MTRF1: variants seen among roughly 807,000 people sequenced by gnomAD.
MTRF1 encodes the protein mitochondrial translation release factor 1, also known as peptide chain release factor 1, mitochondrial.
Under a neutral mutation model 62.9 loss-of-function variants are expected in MTRF1, and 51 were observed. The ratio of observed to expected loss-of-function variants is 0.81; its 90% CI spans 0.65 to 1.02. The LOEUF (loss-of-function observed/expected upper bound fraction) is 1.02, where lower values mean the gene tolerates loss of function less well. Ranked by LOEUF, MTRF1 falls within the 50% of genes least tolerant of loss-of-function variation. The probability of loss-of-function intolerance (pLI) is 0.00; values close to 1 mark genes in which losing one functional copy is unlikely to be tolerated. For missense variants in MTRF1, 446 were observed against 530.0 expected, an observed-to-expected ratio of 0.84 and a Z score of 1.56; for synonymous variants, 158 against 181.9, an observed-to-expected ratio of 0.87 and a Z score of 1.06.
At position 41,216,415 on chromosome 13, in the gene MTRF1, C is replaced by A. The variant is rs889392416; in HGVS notation, c.*700G>T. 6.6e-6 allele frequency: 1 copy of A among 150,630 alleles called. No homozygotes were observed. 9.3% of individuals were successfully genotyped at this position (150,630 alleles called of 1,614,324 possible). A position where few individuals can be genotyped will look rare whatever the true frequency, so the allele number is the denominator to read the frequency against. ...TTGTTTATATAGTGTGGAATTCATACAGCAATCAAAGGGCTTTACTGTCTG... is the reference window on the plus strand; with the variant it reads ...TTGTTTATATAGTGTGGAATTCATAAAGCAATCAAAGGGCTTTACTGTCTG... On this transcript the variant is annotated 3_prime_UTR_variant, in exon 10 of 10. Coordinates refer to ENST00000379480, the MANE Select transcript of MTRF1 (RefSeq NM_004294.4).
At chr13:41,249,665 C>T (rs1439058823) in intron 5 of MTRF1, among the ~76,000 whole-genome samples, 1 of 91,164 alleles carries the variant, frequency 1.1e-5, no homozygotes, top group Non-Finnish European at 1.9e-5. Flanking sequence ...GTCATTCTGT[C>T]GCCCAGGCTG....
the MTRF1 span, among the ~76,000 whole-genome samples, chr13:41,301,328 C>T: frequency 3.9e-5 from 6 of 152,120 alleles, no homozygotes; most frequent in African/African-American, 1.2e-4. Flanking sequence ...TTTATTTTCA[C>T]GTGGCTAGCC....
chr13:41,240,533 C>T, intron 5 of MTRF1, 100 bp from the exon 6 acceptor site: 1 of 1,086,270 alleles, frequency 9.2e-7, no homozygotes, highest in Non-Finnish European at 1.2e-6. Flanking sequence ...GAGTACAGAG[C>T]CTAAGATGAG....
intron 5 of MTRF1, among the ~76,000 whole-genome samples, chr13:41,247,666 T>C (rs1490802316): frequency 6.6e-6 from 1 of 152,186 alleles, no homozygotes; most frequent in African/African-American, 2.4e-5. Flanking sequence ...TGCTTTCAGT[T>C]TGCTATTTTT....
chr13:41,261,698 C>T (rs1336965290), intron 1 of MTRF1: 3 of 568,178 alleles, frequency 5.3e-6, no homozygotes, highest in South Asian at 1.5e-4. Flanking sequence ...AACTTAATCA[C>T]GACTATTCAG....
chr13:41,300,040 A>T, the MTRF1 span, among the ~76,000 whole-genome samples: 1 of 152,244 alleles, frequency 6.6e-6, no homozygotes, highest in African/African-American at 2.4e-5. Flanking sequence ...TGTTGACTCC[A>T]GCAAGGTTGG....
chr13:41,258,871 T>C (rs2040060854), intron 2 of MTRF1, among the ~76,000 whole-genome samples: 1 of 152,172 alleles, frequency 6.6e-6, no homozygotes, highest in African/African-American at 2.4e-5. Context: ...GCAAATCATA[T>C]ATCTGATCAT....
the MTRF1 span, among the ~76,000 whole-genome samples, chr13:41,309,350 G>A: frequency 1.5e-4 from 23 of 149,058 alleles, no homozygotes; most frequent in South Asian, 5.0e-3. Context: ...TAGTGTGTGT[G>A]TGTGTGTGTG....
At chr13:41,257,095 G>GCA (rs2039829783) in intron 2 of MTRF1, among the ~76,000 whole-genome samples, 1 of 152,190 alleles carries the variant, frequency 6.6e-6, no homozygotes, top group East Asian at 1.9e-4. Flanking sequence ...TTAACAACGT[G>GCA]GGCAAAGATA....
the MTRF1 span, among the ~76,000 whole-genome samples, chr13:41,289,570 C>T: frequency 2.6e-5 from 4 of 152,178 alleles, no homozygotes; most frequent in Non-Finnish European, 5.9e-5. Context: ...TGGTGACAGT[C>T]AGCTCAGTGG....
chr13:41,289,679 C>G, the MTRF1 span, among the ~76,000 whole-genome samples: 1 of 152,174 alleles, frequency 6.6e-6, no homozygotes, highest in Non-Finnish European at 1.5e-5. Flanking sequence ...ATCTGATCCA[C>G]GACAGCTTTC....
chr13:41,264,795 A>G (rs1388392758), upstream of MTRF1, among the ~76,000 whole-genome samples: 1 of 152,234 alleles, frequency 6.6e-6, no homozygotes, highest in Non-Finnish European at 1.5e-5. Flanking sequence ...GCCAAGACTC[A>G]ATTAAGGCAA....
intron 9 of MTRF1, among the ~76,000 whole-genome samples, chr13:41,219,041 A>G (rs1461670322): frequency 2.0e-5 from 3 of 148,904 alleles, no homozygotes; most frequent in African/African-American, 7.4e-5. Context: ...CTGTAATCCC[A>G]GCATTTCGCA....
intron 5 of MTRF1, among the ~76,000 whole-genome samples, chr13:41,248,912 C>T (rs548620670): frequency 5.8e-4 from 88 of 152,290 alleles, no homozygotes; most frequent in African/African-American, 1.8e-3. Context: ...TTACCCTCCA[C>T]TGCTTCCATA....
In MTRF1 at chr13:41,233,676, C is replaced by T. The variant is rs76687145; in HGVS notation, c.988+214G>A. On this transcript the variant is annotated intron_variant, in intron 7 of 9. Coordinates refer to ENST00000379480, the MANE Select transcript of MTRF1 (RefSeq NM_004294.4). Reference sequence around the variant, plus strand: ...CATCCAGCATACCTGGGAAGCTTCCCTGAATAGGTCTGCTCACCGTCTGCA... The same window carrying T: ...CATCCAGCATACCTGGGAAGCTTCCTTGAATAGGTCTGCTCACCGTCTGCA... Among the ~76,000 whole-genome samples, 1,423 of 152,230 alleles carry T rather than the reference C, an allele frequency of 9.3e-3. 22 individuals are homozygous for T. The highest frequency in any genetic ancestry group is 0.032 in the African/African-American group (1,343 of 41,538).
the MTRF1 span, among the ~76,000 whole-genome samples, chr13:41,296,241 G>A: frequency 6.6e-6 from 1 of 152,090 alleles, no homozygotes; most frequent in South Asian, 2.1e-4. Context: ...CCACCATGCT[G>A]TAAAAACTTT....
Position 41,219,308 on chromosome 13 carries a change from T to C in MTRF1, c.1225-2080A>G, listed in dbSNP as rs372280024. Among the ~76,000 whole-genome samples, 476 of 148,178 alleles carry C rather than the reference T, an allele frequency of 3.2e-3. 3 individuals carry two copies. The highest frequency in any genetic ancestry group is 0.01 in the African/African-American group (424 of 40,406). On this transcript the variant is annotated intron_variant, in intron 9 of 9. Coordinates refer to ENST00000379480, the MANE Select transcript of MTRF1 (RefSeq NM_004294.4). ...TCTGTCTCAAAAAAAAAAAAAAAAATGTACCTGGTACTCAAATTATTATAG... is the reference window on the plus strand; with the variant it reads ...TCTGTCTCAAAAAAAAAAAAAAAAACGTACCTGGTACTCAAATTATTATAG...
Position 41,254,850 on chromosome 13 carries a change from G to T in MTRF1, c.416-230C>A, listed in dbSNP as rs558581335. On this transcript the variant is annotated intron_variant, in intron 2 of 9. Coordinates refer to ENST00000379480, the MANE Select transcript of MTRF1 (RefSeq NM_004294.4). ...ATAATCGTGCTTCCCAAAACCTTGTGTTTTTTTTTTTAAAGGTAAAATAGC... is the reference window on the plus strand; with the variant it reads ...ATAATCGTGCTTCCCAAAACCTTGTTTTTTTTTTTTTAAAGGTAAAATAGC... Among the ~76,000 whole-genome samples the T allele has an allele frequency of 6.9e-5, 10 of 144,944 alleles. No homozygotes were observed. The East Asian group carries it at 1.4e-3, about 20-fold the overall frequency.
At chr13:41,308,491 T>C in the MTRF1 span, among the ~76,000 whole-genome samples, 1 of 152,094 alleles carries the variant, frequency 6.6e-6, no homozygotes, top group Non-Finnish European at 1.5e-5. Context: ...AGTAATGCCG[T>C]GGTAAGCAAA....
Sources: gnomAD v4.1 joint callset for allele counts (sites outside exome capture counted in the v4.1 genomes callset) on GRCh38, gnomAD v4.1.1 for gene constraint, MANE v1.5 for transcripts, NCBI Gene and HGNC (gene_info 2026-07-23, HGNC 2026-07-21) for gene names.